The following FAT4 variants were observed in gnomAD, a reference collection of about 807,000 sequenced individuals.
FAT4 encodes protocadherin Fat 4.
Under a neutral mutation model 303.9 loss-of-function variants are expected in FAT4, and 84 were observed. That is an observed-to-expected ratio of 0.28 (90% CI 0.23 to 0.33). The LOEUF (loss-of-function observed/expected upper bound fraction) is 0.33. FAT4 is among the 10% of genes least tolerant of loss of function. FAT4 has a pLI of 1.00. For synonymous variants in FAT4, 2,307 were observed against 2,298.8 expected (o/e 1.00, Z -0.10); for missense variants, 6,005 against 6,146.8 (o/e 0.98, Z 0.77).
At chr4:125,323,799 ATTGT>A (rs1314036655) in intron 2 of FAT4, among the ~76,000 whole-genome samples, 2 of 152,176 alleles carry the variant, frequency 1.3e-5, no homozygotes, top group African/African-American at 2.4e-5. Context: ...CGATTTTTAA[ATTGT>A]TTGTTTAATT....
chr4:125,409,090 CT>C (rs761790729), intron 5 of FAT4, among the ~76,000 whole-genome samples: 5 of 151,382 alleles, frequency 3.3e-5, no homozygotes, highest in African/African-American at 7.3e-5. Context: ...CATAAGACCA[CT>C]TTTTTTTGTA....
chr4:125,325,946 A>C (rs1295702509), intron 2 of FAT4, among the ~76,000 whole-genome samples: 1 of 152,134 alleles, frequency 6.6e-6, no homozygotes, highest in Non-Finnish European at 1.5e-5. Flanking sequence ...ATTATCATGT[A>C]AACAGTGTTG....
chr4:125,424,473 T>C (rs1460833484), intron 7 of FAT4, among the ~76,000 whole-genome samples: 1 of 152,198 alleles, frequency 6.6e-6, no homozygotes, highest in South Asian at 2.1e-4. Context: ...GGGTTAATTG[T>C]GAGTCAATTA....
intron 4 of FAT4, among the ~76,000 whole-genome samples, chr4:125,407,623 G>C (rs1480709428): frequency 6.6e-6 from 1 of 152,084 alleles, no homozygotes; most frequent in Non-Finnish European, 1.5e-5. Context: ...TAAGGTAAAG[G>C]ATAATTTAGA....
chr4:125,317,253 C>T lies in FAT4; in HGVS notation c.842C>T (p.Thr281Ile), dbSNP rs564305264. ...GCGGCGGCGGACGCGGACGAGGGCA[C>T]CAACGCGGACATCCGCTATCGCCTG... ...QVAAADADEG[T>I]NADIRYRLQD... Residue 281 changes from threonine (T) to isoleucine (I), a missense_variant, in exon 2 of 18, where the codon ACC becomes ATC. Transcript: ENST00000394329. The surrounding 1 kb of genome is among the most constrained non-coding windows in gnomAD (Gnocchi z 7.0). 2.3e-4 allele frequency: 365 copies of T among 1,579,682 alleles called. 5 individuals carry two copies. In the South Asian group the frequency reaches 3.9e-3, roughly 17 times the overall value.
chr4:125,318,785 G>A lies in FAT4; in HGVS notation c.2374G>A (p.Val792Ile), dbSNP rs757672814. The change falls in exon 2 of 18, where the codon GTA (valine) becomes ATA (isoleucine). Residue 792 changes from valine (V) to isoleucine (I), a missense_variant. Coordinates refer to ENST00000394329, the MANE Select transcript of FAT4 (RefSeq NM_001291303.3). ...ATTGGACACTCAAGACAACCCACCT[G>A]TATTCAGTCAGGTTGCCTACAGCTT... ...TVLDTQDNPP[V>I]FSQVAYSFVV... 6.2e-7 allele frequency: 1 copy of A among 1,614,200 alleles called. No homozygotes were observed. Among genetic ancestry groups the A allele is most frequent in the Non-Finnish European group, 8.5e-7 (1 of 1,180,036 alleles).
At position 125,452,536 on chromosome 4, in the gene FAT4, T is replaced by C; in HGVS notation, c.11526T>C (p.Asn3842=). The change falls in exon 10 of 18, where the codon AAT becomes AAC. Residue 3842 remains asparagine, a synonymous_variant. Transcript: ENST00000394329. ...RESLPVIIVA[N]EPLQPFLCKC... is the part of the protein sequence containing the mutation. ...GTCTTCCAGTCATCATCGTGGCAAATGAACCTCTGCAGCCTTTCTTATGCA... is the reference window on the plus strand; with the variant it reads ...GTCTTCCAGTCATCATCGTGGCAAACGAACCTCTGCAGCCTTTCTTATGCA... 1 of 1,614,116 alleles carries C rather than the reference T, an allele frequency of 6.2e-7. No homozygotes were observed. Among genetic ancestry groups the C allele is most frequent in the Non-Finnish European group, 8.5e-7 (1 of 1,180,024 alleles).
chr4:125,434,361 A>G lies in FAT4; in HGVS notation c.7135A>G (p.Thr2379Ala), dbSNP rs974788122. The G allele has an allele frequency of 6.2e-7, 1 of 1,614,108 alleles. No homozygotes were observed. ...CACAACAATTCCTGAGGATGCACCAACTGGAACAGATGTTTTATTGGTAAA... is the reference window on the plus strand; with the variant it reads ...CACAACAATTCCTGAGGATGCACCAGCTGGAACAGATGTTTTATTGGTAAA... ...YFTTIPEDAP[T>A]GTDVLLVNAS... The change falls in exon 8 of 18, where the codon ACT becomes GCT. Residue 2379 changes from threonine to alanine, a missense_variant. Transcript: ENST00000394329.
chr4:125,363,400 G>A (rs1196142558), intron 2 of FAT4, among the ~76,000 whole-genome samples: 1 of 151,728 alleles, frequency 6.6e-6, no homozygotes, highest in East Asian at 1.9e-4. Context: ...ACTGGGAATG[G>A]AATCCTAAAA....
In FAT4 at chr4:125,492,676, A is replaced by C. The variant is rs985455156; in HGVS notation, c.*908A>C. ...ATAATTTATATGAAATCAGATTTCA[A>C]CACTTACTTTGTCATTTTGTAGATC... On this transcript the variant is annotated 3_prime_UTR_variant, in exon 18 of 18. Coordinates refer to ENST00000394329, the MANE Select transcript of FAT4 (RefSeq NM_001291303.3). The C allele has an allele frequency of 1.3e-5, 2 of 152,720 alleles. No homozygotes were observed. Among genetic ancestry groups the C allele is most frequent in the African/African-American group, 2.4e-5 (1 of 41,570 alleles). The allele number at this position is 152,720 out of a possible 1,614,324, so 9.5% of individuals were successfully genotyped here. A position where few individuals can be genotyped will look rare whatever the true frequency, so the allele number is the denominator to read the frequency against.
At chr4:125,437,523 C>T (rs1398278471) in intron 8 of FAT4, among the ~76,000 whole-genome samples, 1 of 152,100 alleles carries the variant, frequency 6.6e-6, no homozygotes, top group Non-Finnish European at 1.5e-5. Context: ...TCTCAGAGTC[C>T]TGTAAAGTCA....
intron 3 of FAT4, among the ~76,000 whole-genome samples, chr4:125,401,699 T>C (rs1478716847): frequency 6.6e-6 from 1 of 151,092 alleles, no homozygotes; most frequent in Non-Finnish European, 1.5e-5. Flanking sequence ...AAGATTTACA[T>C]GTTTCAGAAG....
chr4:125,385,971 A>C (rs1174731624), intron 2 of FAT4, among the ~76,000 whole-genome samples: 1 of 152,054 alleles, frequency 6.6e-6, no homozygotes, highest in Admixed American at 6.6e-5. Context: ...TTTGTGATTT[A>C]TTTCTTTATT....
At chr4:125,470,124 G>A (rs1726806670) in intron 12 of FAT4, among the ~76,000 whole-genome samples, 1 of 152,146 alleles carries the variant, frequency 6.6e-6, no homozygotes, top group African/African-American at 2.4e-5. Context: ...TCAGTGAGCA[G>A]TAATATTTTG....
intron 2 of FAT4, among the ~76,000 whole-genome samples, chr4:125,340,246 T>C (rs1272959898): frequency 6.6e-6 from 1 of 152,192 alleles, no homozygotes; most frequent in South Asian, 2.1e-4. Context: ...TTAATGTACA[T>C]GAGACTCTCT....
In FAT4 at chr4:125,452,125, A is replaced by G; in HGVS notation, c.11115A>G (p.Gly3705=). Residue 3705 remains glycine (G), a synonymous_variant, in exon 10 of 18, where the codon GGA becomes GGG. Coordinates refer to ENST00000394329, the MANE Select transcript of FAT4 (RefSeq NM_001291303.3). ...GCAACATCCGAGTTTTCTTTGCTGG[A>G]TTTTCCAATGCCACAGTGGATAACA... ...VTSNIRVFFA[G]FSNATVDNSI... The G allele has an allele frequency of 1.9e-6, 3 of 1,614,086 alleles. No homozygotes were observed. Among genetic ancestry groups the G allele is most frequent in the Non-Finnish European group, 2.5e-6 (3 of 1,180,018 alleles).
chr4:125,457,702 T>C (rs114698272), intron 10 of FAT4, among the ~76,000 whole-genome samples: 2,600 of 152,130 alleles, frequency 0.017, 32 homozygotes, highest in Middle Eastern at 0.037. Flanking sequence ...AAGTTTATTA[T>C]AGTATAGGCC....
chr4:125,341,755 CTT>C (rs938515294), intron 2 of FAT4, among the ~76,000 whole-genome samples: 3 of 151,962 alleles, frequency 2.0e-5, no homozygotes, highest in South Asian at 2.1e-4. Flanking sequence ...AAAATTGTAA[CTT>C]AGCATAATTG....
At chr4:125,358,498 T>C (rs144557571) in intron 2 of FAT4, among the ~76,000 whole-genome samples, 40 of 152,184 alleles carry the variant, frequency 2.6e-4, no homozygotes, top group South Asian at 1.7e-3. Context: ...ATCATCACCA[T>C]TGGATTCTCA....
Sources: gnomAD v4.1 joint callset for allele counts (sites outside exome capture counted in the v4.1 genomes callset) on GRCh38, gnomAD v4.1.1 for gene constraint, Gnocchi (gnomAD v3.1) non-coding constraint, MANE v1.5 for transcripts, NCBI Gene and HGNC (gene_info 2026-07-23, HGNC 2026-07-21) for gene names.